Variants in ARMC9 observed in about 807,000 individuals in gnomAD.
ARMC9 encodes lisH domain-containing protein ARMC9.
A neutral mutation model predicts 107.0 loss-of-function variants in ARMC9; 94 were observed. That is an observed-to-expected ratio of 0.88 (90% CI 0.74 to 1.04). The LOEUF is 1.04. Ranked by LOEUF, ARMC9 falls within the 50% of genes least tolerant of loss-of-function variation. The pLI, the probability that ARMC9 is intolerant of heterozygous loss-of-function variation, is 0.00. For synonymous variants in ARMC9, 380 were observed against 396.9 expected (o/e 0.96, Z 0.51); for missense variants, 942 against 1,030.1 (o/e 0.91, Z 1.17).
At chr2:231,346,828 T>A (rs1404832490) in intron 21 of ARMC9, among the ~76,000 whole-genome samples, 1 of 152,226 alleles carries the variant, frequency 6.6e-6, no homozygotes, top group Non-Finnish European at 1.5e-5. Flanking sequence ...AGTTACCAAT[T>A]ACTAGTAAAT....
At chr2:231,247,014 G>A (rs1401922764) in intron 9 of ARMC9, among the ~76,000 whole-genome samples, 1 of 151,458 alleles carries the variant, frequency 6.6e-6, no homozygotes, top group East Asian at 1.9e-4. Flanking sequence ...GGAGTGCAGT[G>A]GCACGGTCTT....
intron 24 of ARMC9, 106 bp downstream of exon 24, chr2:231,370,231 G>A: frequency 7.8e-7 from 1 of 1,288,252 alleles, no homozygotes; most frequent in Non-Finnish European, 1.0e-6. Context: ...TGTGTACCAG[G>A]CCAGGCCAGA....
chr2:231,251,584 A>G (rs1437529595), intron 9 of ARMC9, among the ~76,000 whole-genome samples: 3 of 152,082 alleles, frequency 2.0e-5, no homozygotes, highest in African/African-American at 7.2e-5. Flanking sequence ...TATCCTCCTC[A>G]TTGGATTGTG....
chr2:231,238,193 G>C (rs1025441642), intron 8 of ARMC9, among the ~76,000 whole-genome samples: 1 of 152,042 alleles, frequency 6.6e-6, no homozygotes, highest in South Asian at 2.1e-4. Flanking sequence ...GTGATTGATA[G>C]ATAAGGATCT....
chr2:231,327,224 C>G (rs538894306), intron 19 of ARMC9, among the ~76,000 whole-genome samples: 9 of 152,266 alleles, frequency 5.9e-5, no homozygotes, highest in Admixed American at 5.2e-4. Flanking sequence ...GTATACAGAG[C>G]CTTGTGACAT....
intron 1 of ARMC9, among the ~76,000 whole-genome samples, chr2:231,199,092 T>G (rs1574803887): frequency 6.6e-6 from 1 of 152,196 alleles, no homozygotes; most frequent in Non-Finnish European, 1.5e-5. Context: ...AGGCACCCAG[T>G]TGAAGTCCAG....
intron 19 of ARMC9, among the ~76,000 whole-genome samples, chr2:231,303,709 C>T (rs1320136716): frequency 2.0e-5 from 3 of 151,840 alleles, no homozygotes; most frequent in East Asian, 1.9e-4. Flanking sequence ...AGGCTAAGGC[C>T]GGTGGATCAC....
At chr2:231,215,696 C>A (rs1196480230) in intron 4 of ARMC9, among the ~76,000 whole-genome samples, 2 of 152,160 alleles carry the variant, frequency 1.3e-5, no homozygotes, top group African/African-American at 4.8e-5. Context: ...GGCAAGCTGG[C>A]ATTTGACCCC....
chr2:231,285,892 ATTCTCTTTGCATGTAG>A (rs928685923), intron 17 of ARMC9, among the ~76,000 whole-genome samples: 3 of 149,274 alleles, frequency 2.0e-5, no homozygotes, highest in African/African-American at 7.8e-5. Flanking sequence ...AAGCCATTAT[ATTCTCTTTGCATGTAG>A]GTCTCACATG....
chr2:231,363,790 C>T (rs2045690585), intron 23 of ARMC9, among the ~76,000 whole-genome samples: 1 of 145,768 alleles, frequency 6.9e-6, no homozygotes, highest in African/African-American at 2.6e-5. Flanking sequence ...GAGGCTGAGG[C>T]AGGAGAATCG....
chr2:231,240,118 C>A (rs1280420002), intron 9 of ARMC9, 77 bp downstream of exon 9: 4 of 1,240,640 alleles, frequency 3.2e-6, no homozygotes, highest in Admixed American at 2.2e-5. Flanking sequence ...TTAAAAATAG[C>A]ATGAAAAAAT....
Position 231,360,618 on chromosome 2 carries a change from C to A in ARMC9, c.2132-136C>A. 7.2e-7 allele frequency: 1 copy of A among 1,387,350 alleles called. No individual in the cohort carries two copies. Among genetic ancestry groups the A allele is most frequent in the Non-Finnish European group, 9.8e-7 (1 of 1,019,054 alleles). 85.9% of individuals were successfully genotyped at this position (1,387,350 alleles called of 1,614,324 possible). On this transcript the variant is annotated intron_variant, in intron 22 of 24. Transcript: ENST00000611582. The surrounding 1 kb of genome is among the most constrained non-coding windows in gnomAD (Gnocchi z 4.7). Reference sequence around the variant, plus strand: ...TGCACGAGTAAACAAGTATCCCAAGCCACAGGCGCCAGGGAGCCCGCAGGG... The same window carrying A: ...TGCACGAGTAAACAAGTATCCCAAGACACAGGCGCCAGGGAGCCCGCAGGG...
intron 10 of ARMC9, 45 bp downstream of exon 10, chr2:231,256,665 G>A: frequency 3.1e-6 from 5 of 1,588,032 alleles, no homozygotes; most frequent in Non-Finnish European, 3.5e-6. Context: ...GAACAGCAAT[G>A]TGTAAAACGG....
chr2:231,275,002 A>G (rs1157257046), intron 14 of ARMC9, among the ~76,000 whole-genome samples: 3 of 142,958 alleles, frequency 2.1e-5, no homozygotes, highest in Non-Finnish European at 4.7e-5. Context: ...CAATAACTAT[A>G]GTTAAGTAAC....
At chr2:231,268,101 G>T (rs963618131) in intron 12 of ARMC9, among the ~76,000 whole-genome samples, 1 of 152,130 alleles carries the variant, frequency 6.6e-6, no homozygotes, top group Non-Finnish European at 1.5e-5. Flanking sequence ...AAACATAAGA[G>T]AATATATAAT....
intron 24 of ARMC9, 45 bp from the exon 25 acceptor site, chr2:231,371,468 G>A (rs1015740445): frequency 7.9e-6 from 10 of 1,272,224 alleles, no homozygotes; most frequent in African/African-American, 4.6e-5. Flanking sequence ...GATTCTGTGC[G>A]GAGACCACAC....
Position 231,276,599 on chromosome 2 carries a change from TG to T in ARMC9, c.1335-35del, listed in dbSNP as rs1304333165. ...GTTTCCTCTTATATGAAAAGTTTCT[TG>T]GCAGTTTGTATTTACCGTAGGCTCT... is the stretch of plus-strand genomic sequence containing the variant. On this transcript the variant is annotated intron_variant, in intron 14 of 24. Transcript: ENST00000611582. 3.1e-6 allele frequency: 5 copies of T among 1,613,134 alleles called. No individual in the cohort carries two copies. In the African/African-American group the frequency reaches 6.7e-5, roughly 22 times the overall value.
intron 19 of ARMC9, among the ~76,000 whole-genome samples, chr2:231,326,049 C>G (rs1243170579): frequency 6.6e-6 from 1 of 152,178 alleles, no homozygotes; most frequent in Non-Finnish European, 1.5e-5. Context: ...ATAGCCCTCC[C>G]TCCCATTACT....
intron 19 of ARMC9, among the ~76,000 whole-genome samples, chr2:231,307,281 A>G (rs2042086778): frequency 6.6e-6 from 1 of 152,120 alleles, no homozygotes; most frequent in South Asian, 2.1e-4. Context: ...TTTCGTTTGG[A>G]TGAATTTCAG....
Sources: gnomAD v4.1 joint callset for allele counts (sites outside exome capture counted in the v4.1 genomes callset) on GRCh38, gnomAD v4.1.1 for gene constraint, Gnocchi (gnomAD v3.1) non-coding constraint, MANE v1.5 for transcripts, NCBI Gene and HGNC (gene_info 2026-07-23, HGNC 2026-07-21) for gene names.